Variants in KCNH3 observed in about 807,000 individuals in gnomAD.
KCNH3 encodes voltage-gated inwardly rectifying potassium channel KCNH3.
A neutral mutation model predicts 95.6 loss-of-function variants in KCNH3; 36 were observed. The observed-to-expected ratio is 0.38, with a 90% CI of 0.29 to 0.50. The LOEUF is 0.50. KCNH3 is among the 20% of genes least tolerant of loss of function. KCNH3 has a pLI of 0.95. For missense variants in KCNH3, 1,030 were observed against 1,484.1 expected, an observed-to-expected ratio of 0.69 and a Z score of 5.03; for synonymous variants, 620 against 646.3, an observed-to-expected ratio of 0.96 and a Z score of 0.62.
In KCNH3 at chr12:49,556,297, G is replaced by A. The variant is rs1263502207; in HGVS notation, c.2469-73G>A. 5.4e-6 allele frequency: 6 copies of A among 1,109,646 alleles called. No individual in the cohort carries two copies. The African/African-American group carries it at 6.1e-5, about 11-fold the overall frequency. The allele number at this position is 1,109,646 out of a possible 1,614,324, so 68.7% of individuals were successfully genotyped here. On this transcript the variant is annotated intron_variant, in intron 12 of 14. Coordinates refer to ENST00000257981, the MANE Select transcript of KCNH3 (RefSeq NM_012284.3). Reference sequence around the variant, plus strand: ...TGCAGCCTGTGTGTGTGGACGCTGGGGCATCCCGTCCCGTATGACCCCACA... The same window carrying A: ...TGCAGCCTGTGTGTGTGGACGCTGGAGCATCCCGTCCCGTATGACCCCACA...
chr12:49,544,322 G>A lies in KCNH3; in HGVS notation c.1129G>A (p.Val377Ile), dbSNP rs371733225. ...CCTGCTCGCGCACTGGGTCGCCTGC[G>A]TCTGGTTTTACATTGGCCAGCGGGA... is the stretch of plus-strand genomic sequence containing the variant. ...FALLAHWVAC[V>I]WFYIGQREIE... Residue 377 changes from valine (V) to isoleucine (I), a missense_variant, in exon 7 of 15, where the codon GTC becomes ATC. By Grantham distance (29) the Val-to-Ile change is conservative (BLOSUM62 3). This residue lies in a region of KCNH3 where 153 missense variants were observed against 288.5 expected (regional missense o/e 0.53). Transcript: ENST00000257981. 51 of 1,613,470 alleles carry A rather than the reference G, an allele frequency of 3.2e-5. No individual in the cohort carries two copies. Among genetic ancestry groups the A allele is most frequent in the South Asian group, 3.0e-4 (27 of 91,086 alleles).
chr12:49,549,928 C>T, intron 9 of KCNH3, 152 bp from the exon 10 acceptor site: 1 of 853,072 alleles, frequency 1.2e-6, no homozygotes, highest in South Asian at 1.8e-5. Context: ...CGCTGCCACC[C>T]TGTGTGGAGC....
At chr12:49,547,717 A>T (rs11169067) in intron 7 of KCNH3, among the ~76,000 whole-genome samples, 1 of 152,028 alleles carries the variant, frequency 6.6e-6, no homozygotes, top group Non-Finnish European at 1.5e-5. Flanking sequence ...AGTGTTGGGG[A>T]GAGTCTGGAG....
Position 49,543,371 on chromosome 12 carries a change from A to G in KCNH3, c.676A>G (p.Thr226Ala). The G allele has an allele frequency of 1.2e-6, 2 of 1,613,182 alleles. No homozygotes were observed. Among genetic ancestry groups the G allele is most frequent in the East Asian group, 4.5e-5 (2 of 44,874 alleles). Residue 226 changes from threonine (T) to alanine (A), a missense_variant, in exon 5 of 15, where the codon ACC becomes GCC. Transcript: ENST00000257981. The part of the protein sequence containing the change: ...ILLHCGALRA[T>A]WDGFILLATL... ...GTTGCACTGTGGGGCACTGAGAGCCACCTGGGATGGCTTCATCCTGCTCGC... is the reference window on the plus strand; with the variant it reads ...GTTGCACTGTGGGGCACTGAGAGCCGCCTGGGATGGCTTCATCCTGCTCGC...
chr12:49,552,398 C>T (rs540118249), intron 10 of KCNH3, among the ~76,000 whole-genome samples: 7 of 152,348 alleles, frequency 4.6e-5, no homozygotes, highest in African/African-American at 1.7e-4. Context: ...CTTATGCCAC[C>T]GTTGATCCAT....
Position 49,555,728 on chromosome 12 carries a change from C to T in KCNH3, c.2245C>T (p.Pro749Ser), listed in dbSNP as rs138416479. The T allele has an allele frequency of 3.7e-6, 6 of 1,612,654 alleles. No individual in the cohort carries two copies. In the African/African-American group the frequency reaches 4.0e-5, roughly 11 times the overall value. ...PTVSPAPADEPSSPLLSPGCT... is the reference protein window; with the variant it reads ...PTVSPAPADESSSPLLSPGCT... ...GGTCTCCCCAGCCCCAGCTGATGAGCCCTCCAGCCCCCTGCTGTCCCCTGG... is the reference window on the plus strand; with the variant it reads ...GGTCTCCCCAGCCCCAGCTGATGAGTCCTCCAGCCCCCTGCTGTCCCCTGG... Residue 749 changes from proline (P) to serine (S), a missense_variant, in exon 12 of 15, where the codon CCC (proline) becomes TCC (serine). Physicochemically the swap from Pro to Ser is moderately conservative, Grantham distance 74 (BLOSUM62 -1). Around this residue, in one of 9 missense-constraint regions of KCNH3, gnomAD observed 464 missense variants for 493.2 expected, o/e 0.94. Coordinates refer to ENST00000257981, the MANE Select transcript of KCNH3 (RefSeq NM_012284.3).
chr12:49,553,205 G>A (rs1036596823), intron 10 of KCNH3, among the ~76,000 whole-genome samples: 21 of 151,306 alleles, frequency 1.4e-4, no homozygotes, highest in African/African-American at 5.1e-4. Flanking sequence ...GTGTGATCTC[G>A]GCTCACTGCA....
chr12:49,540,014 C>T (rs151125591), intron 1 of KCNH3, among the ~76,000 whole-genome samples: 2,658 of 152,318 alleles, frequency 0.017, 37 homozygotes, highest in South Asian at 0.042. Context: ...GGCCATCTAG[C>T]CCCAAGAAGA....
Position 49,542,745 on chromosome 12 carries a change from G to T in KCNH3, c.485G>T (p.Gly162Val), listed in dbSNP as rs544415516. Residue 162 changes from glycine (G) to valine (V), a missense_variant, in exon 4 of 15, where the codon GGC becomes GTC. Physicochemically the swap from Gly to Val is moderately radical, Grantham distance 109. Around this residue, in one of 9 missense-constraint regions of KCNH3, gnomAD observed 92 missense variants for 92.7 expected, o/e 0.99. Coordinates refer to ENST00000257981, the MANE Select transcript of KCNH3 (RefSeq NM_012284.3). ...RRRYGRARSKGFNANRRRSRA... is the reference protein window; with the variant it reads ...RRRYGRARSKVFNANRRRSRA... ...CGATATGGCCGGGCACGATCCAAAG[G>T]CTTCAATGCCAACCGGCGGCGGAGC... 3.8e-6 allele frequency: 6 copies of T among 1,589,398 alleles called. No homozygotes were observed. The highest frequency in any genetic ancestry group is 1.1e-5 in the South Asian group (1 of 87,092).
At chr12:49,547,899 CTG>C (rs1938114324) in intron 7 of KCNH3, among the ~76,000 whole-genome samples, 1 of 152,176 alleles carries the variant, frequency 6.6e-6, no homozygotes, top group South Asian at 2.1e-4. Flanking sequence ...GCCAGGACCT[CTG>C]TGGATCTTGG....
Position 49,555,642 on chromosome 12 carries a change from GCGA to G in KCNH3, c.2161_2163del (p.Asp721del), listed in dbSNP as rs1453212460. The G allele has an allele frequency of 1.9e-6, 3 of 1,554,224 alleles. No homozygotes were observed. The highest frequency in any genetic ancestry group is 2.6e-6 in the Non-Finnish European group (3 of 1,145,878). On this transcript the variant is annotated inframe_deletion, in exon 12 of 15. Coordinates refer to ENST00000257981, the MANE Select transcript of KCNH3 (RefSeq NM_012284.3). ...TAGGTGGACACCAGCTCCCTGAGCGGCGACAATACCCTTATGTCCACGCTGGAG... is the reference window on the plus strand; with the variant it reads ...TAGGTGGACACCAGCTCCCTGAGCGGCAATACCCTTATGTCCACGCTGGAG...
At chr12:49,545,086 G>T (rs930809259) in intron 7 of KCNH3, among the ~76,000 whole-genome samples, 1 of 152,020 alleles carries the variant, frequency 6.6e-6, no homozygotes, top group Non-Finnish European at 1.5e-5. Flanking sequence ...ACCTGACCCT[G>T]CCAACCATAG....
intron 9 of KCNH3, 23 bp downstream of exon 9, chr12:49,549,663 T>A: frequency 6.3e-7 from 1 of 1,590,282 alleles, no homozygotes; most frequent in Non-Finnish European, 8.5e-7. Context: ...GGGCTGGGCC[T>A]GCTAGCCTTT....
In KCNH3 at chr12:49,557,602, G is replaced by T. The variant is rs1938519888; in HGVS notation, c.2901G>T (p.Gly967=). ...LSGTWPHPRP[G]PPPLMAPWPW... ...GGACTTGGCCCCACCCTCGTCCGGG[G>T]CCTCCTCCCCTCATGGCACCCTGGC... Residue 967 remains glycine, a synonymous_variant, in exon 15 of 15, where the codon GGG becomes GGT. Transcript: ENST00000257981. 6.2e-7 allele frequency: 1 copy of T among 1,613,150 alleles called. No homozygotes were observed. Among genetic ancestry groups the T allele is most frequent in the African/African-American group, 1.3e-5 (1 of 74,938 alleles).
At chr12:49,545,494 G>A (rs1390589409) in intron 7 of KCNH3, among the ~76,000 whole-genome samples, 9 of 146,836 alleles carry the variant, frequency 6.1e-5, no homozygotes, top group African/African-American at 2.0e-4. Context: ...CTGGGTTCAC[G>A]CCATTCTCCT....
rs544530612 is a variant in KCNH3 at position 49,549,186 on chromosome 12, G to A, written c.1468+13G>A. The A allele has an allele frequency of 1.3e-6, 2 of 1,569,570 alleles. No homozygotes were observed. The highest frequency in any genetic ancestry group is 1.2e-5 in the South Asian group (1 of 86,456). On this transcript the variant is annotated intron_variant, in intron 8 of 14. Transcript: ENST00000257981. ...ATGCTCATCGGCGGTGAGCCCGGCC[G>A]CGCGCGTCTTCCCGGGGCCACTCCC...
rs1266515054 is a variant in KCNH3 at position 49,539,345 on chromosome 12, G to A, written c.-72G>A. 37 of 997,608 alleles carry A rather than the reference G, an allele frequency of 3.7e-5. No homozygotes were observed. Among genetic ancestry groups the A allele is most frequent in the Non-Finnish European group, 4.8e-5 (36 of 757,288 alleles). The allele number at this position is 997,608 out of a possible 1,614,324, so 61.8% of individuals were successfully genotyped here. On this transcript the variant is annotated 5_prime_UTR_variant, in exon 1 of 15. Coordinates refer to ENST00000257981, the MANE Select transcript of KCNH3 (RefSeq NM_012284.3). The surrounding 1 kb of genome is among the most constrained non-coding windows in gnomAD (Gnocchi z 6.7). ...GCGGGGCCCGGCGGGGGGCGGCCGA[G>A]CTGGGCGCCCTCCCCCGGCGCGGAG...
intron 6 of KCNH3, 38 bp downstream of exon 6, chr12:49,544,110 C>T (rs200012014): frequency 3.1e-6 from 5 of 1,605,940 alleles, no homozygotes; most frequent in Admixed American, 1.7e-5. Context: ...GTGGGCTTGG[C>T]CAGGGGACAG....
At position 49,557,413 on chromosome 12, in the gene KCNH3, G is replaced by A. The variant is rs1489647383; in HGVS notation, c.2712G>A (p.Gln904=). 13 of 1,602,552 alleles carry A rather than the reference G, an allele frequency of 8.1e-6. No homozygotes were observed. Among genetic ancestry groups the A allele is most frequent in the Non-Finnish European group, 1.0e-5 (12 of 1,172,664 alleles). ...GGGAAGGACTGCAGTCACTTCGCCA[G>A]GCTGTGCAGCTTGTCCTGGCGCCCC... ...QMREGLQSLR[Q]AVQLVLAPHR... Residue 904 remains glutamine (Q), a synonymous_variant, in exon 15 of 15, where the codon CAG becomes CAA. Transcript: ENST00000257981.
Sources: gnomAD v4.1 joint callset for allele counts (sites outside exome capture counted in the v4.1 genomes callset) on GRCh38, gnomAD v4.1.1 for gene constraint, gnomAD v4.1.1 regional missense constraint, Gnocchi (gnomAD v3.1) non-coding constraint, MANE v1.5 for transcripts, NCBI Gene and HGNC (gene_info 2026-07-23, HGNC 2026-07-21) for gene names.